Variants in CPNE8 observed in about 807,000 individuals in gnomAD.
CPNE8 encodes the protein copine-8.
Under a neutral mutation model 81.5 loss-of-function variants are expected in CPNE8, and 45 were observed. The observed-to-expected ratio is 0.55, with a 90% CI of 0.44 to 0.71. CPNE8 has a LOEUF of 0.71. Among genes scored for constraint, CPNE8 ranks in the 30% least tolerant of loss-of-function variants. The pLI is 0.00. For synonymous variants in CPNE8, 252 were observed against 226.3 expected, an observed-to-expected ratio of 1.11 and a Z score of -1.02; for missense variants, 594 against 672.1, an observed-to-expected ratio of 0.88 and a Z score of 1.28.
intron 10 of CPNE8, among the ~76,000 whole-genome samples, chr12:38,745,492 A>C (rs1941207287): frequency 6.6e-6 from 1 of 152,194 alleles, no homozygotes; most frequent in Admixed American, 6.5e-5. Flanking sequence ...TAGTGTAGTG[A>C]CCCATACCTA....
intron 19 of CPNE8, among the ~76,000 whole-genome samples, chr12:38,659,816 C>T (rs918435588): frequency 6.6e-6 from 1 of 152,116 alleles, no homozygotes; most frequent in African/African-American, 2.4e-5. Flanking sequence ...CATTCCTATA[C>T]ACCAATAACA....
intron 6 of CPNE8, among the ~76,000 whole-genome samples, chr12:38,814,458 AG>A: frequency 6.6e-6 from 1 of 151,830 alleles, no homozygotes; most frequent in South Asian, 2.1e-4. Context: ...CTGGGACTAC[AG>A]GCACACACCA....
chr12:38,897,362 A>G (rs1452380645), intron 1 of CPNE8, among the ~76,000 whole-genome samples: 1 of 151,906 alleles, frequency 6.6e-6, no homozygotes, highest in Admixed American at 6.6e-5. Context: ...TATCCCCAGG[A>G]AAAAAAAGTA....
intron 6 of CPNE8, among the ~76,000 whole-genome samples, chr12:38,823,798 C>T (rs1488123887): frequency 1.3e-5 from 2 of 152,076 alleles, no homozygotes; most frequent in East Asian, 3.8e-4. Context: ...AAGGCTTTGC[C>T]GAATCCATCA....
At chr12:38,856,379 C>G (rs978182525) in intron 3 of CPNE8, among the ~76,000 whole-genome samples, 1 of 152,042 alleles carries the variant, frequency 6.6e-6, no homozygotes, top group Non-Finnish European at 1.5e-5. Context: ...TATCATCATA[C>G]CAAAGCCAAA....
At chr12:38,854,450 G>A (rs1797752449) in intron 3 of CPNE8, among the ~76,000 whole-genome samples, 1 of 151,544 alleles carries the variant, frequency 6.6e-6, no homozygotes, top group Non-Finnish European at 1.5e-5. Context: ...TGATACCAAA[G>A]CCAGACAAAA....
At chr12:38,846,259 G>A (rs1943558728) in intron 4 of CPNE8, among the ~76,000 whole-genome samples, 1 of 152,138 alleles carries the variant, frequency 6.6e-6, no homozygotes, top group Admixed American at 6.5e-5. Context: ...AAAATACACA[G>A]ATGAATCTCT....
chr12:38,846,608 C>T (rs1022253591), intron 4 of CPNE8, among the ~76,000 whole-genome samples: 4 of 151,970 alleles, frequency 2.6e-5, no homozygotes, highest in Non-Finnish European at 5.9e-5. Context: ...GTGCTTTTTC[C>T]CCCTGGCCTG....
chr12:38,664,438 A>C (rs1170328095), intron 19 of CPNE8, among the ~76,000 whole-genome samples: 1 of 152,118 alleles, frequency 6.6e-6, no homozygotes, highest in African/African-American at 2.4e-5. Context: ...AATATAAAGC[A>C]ATTTGTTAAT....
At chr12:38,734,286 T>C (rs779188141) in intron 10 of CPNE8, among the ~76,000 whole-genome samples, 7 of 151,990 alleles carry the variant, frequency 4.6e-5, no homozygotes, top group Non-Finnish European at 1.0e-4. Flanking sequence ...TATTAACAAA[T>C]TTGCCTCACA....
At chr12:38,883,812 C>T (rs1944198191) in intron 1 of CPNE8, among the ~76,000 whole-genome samples, 1 of 152,216 alleles carries the variant, frequency 6.6e-6, no homozygotes, top group Non-Finnish European at 1.5e-5. Context: ...TCCTTTCAGA[C>T]ACTCTAAATA....
intron 14 of CPNE8, among the ~76,000 whole-genome samples, chr12:38,702,071 C>G (rs1445755447): frequency 6.6e-6 from 1 of 151,542 alleles, no homozygotes; most frequent in Non-Finnish European, 1.5e-5. Flanking sequence ...TTTTGTAAAA[C>G]GTGAATGATT....
rs11169353 is a variant in CPNE8 at position 38,745,418 on chromosome 12, G to A, written c.723-15060C>T. On this transcript the variant is annotated intron_variant, in intron 10 of 19. Coordinates refer to ENST00000331366, the MANE Select transcript of CPNE8 (RefSeq NM_153634.3). ...CTGGAATTTTATTGCATTCTTGGCAGGAACATACCCTTCTTCAATCCATGG... is the reference window on the plus strand; with the variant it reads ...CTGGAATTTTATTGCATTCTTGGCAAGAACATACCCTTCTTCAATCCATGG... Among the ~76,000 whole-genome samples, 804 of 152,286 alleles carry A rather than the reference G, an allele frequency of 5.3e-3. 9 individuals are homozygous for A. The highest frequency in any genetic ancestry group is 0.019 in the African/African-American group (775 of 41,562).
At chr12:38,678,610 CA>C (rs1322393581) in intron 16 of CPNE8, among the ~76,000 whole-genome samples, 1 of 151,790 alleles carries the variant, frequency 6.6e-6, no homozygotes, top group Non-Finnish European at 1.5e-5. Flanking sequence ...TGGTGACAAA[CA>C]AATAGTATAA....
intron 11 of CPNE8, among the ~76,000 whole-genome samples, chr12:38,726,105 A>G (rs1354057221): frequency 2.0e-5 from 3 of 152,104 alleles, no homozygotes; most frequent in African/African-American, 4.8e-5. Flanking sequence ...AAAAGTCCAC[A>G]GGCCTGTACT....
chr12:38,833,638 C>A (rs1943333474), intron 5 of CPNE8, among the ~76,000 whole-genome samples: 1 of 151,730 alleles, frequency 6.6e-6, no homozygotes, highest in Non-Finnish European at 1.5e-5. Flanking sequence ...GTCACCACGC[C>A]CAGCTAATTT....
At position 38,785,146 on chromosome 12, in the gene CPNE8, C is replaced by T. The variant is rs776900189; in HGVS notation, c.408-8845G>A. Among the ~76,000 whole-genome samples, 88 of 151,192 alleles carry T rather than the reference C, an allele frequency of 5.8e-4. 1 individual carries two copies. The highest frequency in any genetic ancestry group is 9.0e-4 in the Non-Finnish European group (61 of 67,844). On this transcript the variant is annotated intron_variant, in intron 6 of 19. Coordinates refer to ENST00000331366, the MANE Select transcript of CPNE8 (RefSeq NM_153634.3). ...GGAGGAGGAGGTTGCAGAGATCGTG[C>T]CACTGCACTCCAGCCTGGATGACAG...
chr12:38,677,316 G>A (rs1390154003), intron 17 of CPNE8, 136 bp downstream of exon 17: 6 of 591,074 alleles, frequency 1.0e-5, no homozygotes, highest in African/African-American at 1.8e-5. Flanking sequence ...GAGTTGTCTG[G>A]ATAAGGTTAA....
intron 16 of CPNE8, among the ~76,000 whole-genome samples, chr12:38,682,361 C>T (rs1351791076): frequency 6.6e-6 from 1 of 152,076 alleles, no homozygotes; most frequent in Non-Finnish European, 1.5e-5. Flanking sequence ...AGTTTGTGAC[C>T]AGACTGGCCA....
Sources: gnomAD v4.1 joint callset for allele counts (sites outside exome capture counted in the v4.1 genomes callset) on GRCh38, gnomAD v4.1.1 for gene constraint, MANE v1.5 for transcripts, NCBI Gene and HGNC (gene_info 2026-07-23, HGNC 2026-07-21) for gene names.